The following RHEX variants were observed in gnomAD, a reference collection of about 807,000 sequenced individuals.
RHEX encodes regulator of hemoglobinization and erythroid cell expansion protein.
Under a neutral mutation model 20.1 loss-of-function variants are expected in RHEX, and 18 were observed. The observed-to-expected ratio is 0.90, with a 90% CI of 0.62 to 1.33. RHEX has a LOEUF of 1.33. Ranked by LOEUF, RHEX falls within the 40% of genes most tolerant of loss-of-function variation. The probability of loss-of-function intolerance (pLI) is 0.00; values close to 1 mark genes in which losing one functional copy is unlikely to be tolerated. For missense variants in RHEX, 192 were observed against 214.3 expected, an observed-to-expected ratio of 0.90 and a Z score of 0.65; for synonymous variants, 87 against 77.1, an observed-to-expected ratio of 1.13 and a Z score of -0.67.
intron 1 of RHEX, among the ~76,000 whole-genome samples, chr1:206,062,704 G>A (rs1662330456): frequency 6.6e-6 from 1 of 152,194 alleles, no homozygotes; most frequent in African/African-American, 2.4e-5. Flanking sequence ...AGGAAGCATG[G>A]GGGCCACCTG....
intron 1 of RHEX, among the ~76,000 whole-genome samples, chr1:206,093,396 G>C (rs1235062145): frequency 6.6e-6 from 1 of 151,530 alleles, no homozygotes; most frequent in African/African-American, 2.4e-5. Context: ...TCAACCTCTC[G>C]AGTAGCTAGG....
intron 1 of RHEX, among the ~76,000 whole-genome samples, chr1:206,080,787 C>A (rs370605651): frequency 2.0e-5 from 3 of 152,116 alleles, no homozygotes; most frequent in Non-Finnish European, 4.4e-5. Flanking sequence ...TCCCAGTAGC[C>A]TCTGAGCAGG....
Position 206,071,764 on chromosome 1 carries a change from C to G in RHEX, c.-97+18499C>G, listed in dbSNP as rs150978968. On this transcript the variant is annotated intron_variant, in intron 1 of 5. Transcript: ENST00000331555. ...CTAGGGAAGCTGAGGCAGGAGGATC[C>G]CTTGAGCCCAGGAGGCTGAGACTGC... Among the ~76,000 whole-genome samples, 855 of 151,072 alleles carry G rather than the reference C, an allele frequency of 5.7e-3. 4 individuals carry two copies. The highest frequency in any genetic ancestry group is 0.019 in the African/African-American group (789 of 41,082).
chr1:206,102,057 C>T lies in RHEX; in HGVS notation c.*105C>T. 1.1e-6 allele frequency: 1 copy of T among 926,584 alleles called. No homozygotes were observed. Among genetic ancestry groups the T allele is most frequent in the Non-Finnish European group, 1.7e-6 (1 of 587,616 alleles). 57.4% of individuals were successfully genotyped at this position (926,584 alleles called of 1,614,324 possible). ...TAAACAAGGCATGGGGCTCACAAGT[C>T]TATGGAGACAGGCCAAAAAGAATGT... On this transcript the variant is annotated 3_prime_UTR_variant, in exon 6 of 6. Coordinates refer to ENST00000331555, the MANE Select transcript of RHEX (RefSeq NM_001007544.4).
At chr1:206,074,595 A>G (rs1461155004) in intron 1 of RHEX, among the ~76,000 whole-genome samples, 1 of 152,172 alleles carries the variant, frequency 6.6e-6, no homozygotes, top group Non-Finnish European at 1.5e-5. Context: ...GTGCGCCACC[A>G]TCAATTTCAG....
Position 206,098,091 on chromosome 1 carries a change from G to A in RHEX, c.22G>A (p.Val8Ile), listed in dbSNP as rs1663111795. 1 of 1,613,652 alleles carries A rather than the reference G, an allele frequency of 6.2e-7. No homozygotes were observed. Residue 8 changes from valine to isoleucine, a missense_variant, in exon 3 of 6, where the codon GTC becomes ATC. Val to Ile is a conservative substitution (Grantham distance 29, BLOSUM62 3). Transcript: ENST00000331555. MLTEVME[V>I]WHGLVIAVVS... The stretch of plus-strand genomic sequence containing the variant: ...TTTCTTTCCCAACAGAGTCATGGAG[G>A]TCTGGCATGGCTTAGTGATCGCGGT...
chr1:206,079,054 C>G (rs971372782), intron 1 of RHEX, among the ~76,000 whole-genome samples: 3 of 148,948 alleles, frequency 2.0e-5, no homozygotes, highest in African/African-American at 5.2e-5. Context: ...GCAAGTTAAC[C>G]CCCCCAGTCT....
intron 1 of RHEX, among the ~76,000 whole-genome samples, chr1:206,063,543 C>T (rs1031490150): frequency 2.6e-5 from 4 of 152,252 alleles, no homozygotes; most frequent in African/African-American, 9.6e-5. Context: ...AGGCGCGCGC[C>T]GCCACGCCTG....
chr1:206,092,742 A>G (rs182669352), intron 1 of RHEX, among the ~76,000 whole-genome samples: 152 of 152,260 alleles, frequency 1.0e-3, no homozygotes, highest in African/African-American at 3.5e-3. Flanking sequence ...TCTGAGATTA[A>G]TAGTCCCTAT....
chr1:206,064,643 G>C (rs1292987205), intron 1 of RHEX, among the ~76,000 whole-genome samples: 1 of 149,446 alleles, frequency 6.7e-6, no homozygotes, highest in Non-Finnish European at 1.5e-5. Context: ...GCCCCGTCCC[G>C]GGGGGAGGTG....
At chr1:206,054,641 C>G (rs1437847613) in intron 1 of RHEX, among the ~76,000 whole-genome samples, 2 of 152,234 alleles carry the variant, frequency 1.3e-5, no homozygotes, top group Non-Finnish European at 2.9e-5. Flanking sequence ...TCAACCTGCT[C>G]TTTAACAAAA....
intron 1 of RHEX, among the ~76,000 whole-genome samples, chr1:206,073,389 A>G (rs1553284867): frequency 2.0e-5 from 3 of 152,234 alleles, no homozygotes; most frequent in East Asian, 1.9e-4. Flanking sequence ...AAACACTTGT[A>G]TAGTCTTTAA....
intron 1 of RHEX, among the ~76,000 whole-genome samples, chr1:206,079,555 A>AT (rs1331478762): frequency 3.3e-5 from 5 of 151,884 alleles, no homozygotes; most frequent in Admixed American, 6.6e-5. Flanking sequence ...TCAGCAAGGC[A>AT]TTTTTTTTCT....
At chr1:206,064,121 GC>G in intron 1 of RHEX, among the ~76,000 whole-genome samples, 1 of 146,202 alleles carries the variant, frequency 6.8e-6, no homozygotes, top group East Asian at 2.1e-4. Context: ...CTGCCCGGCC[GC>G]CCCGTCTGAG....
At chr1:206,064,673 C>T (rs1406535627) in intron 1 of RHEX, among the ~76,000 whole-genome samples, 22 of 149,940 alleles carry the variant, frequency 1.5e-4, no homozygotes, top group African/African-American at 4.2e-4. Flanking sequence ...GCCCCCCGCC[C>T]GGCCAGCCGC....
intron 1 of RHEX, among the ~76,000 whole-genome samples, chr1:206,084,710 T>C (rs1662804206): frequency 6.6e-6 from 1 of 152,204 alleles, no homozygotes; most frequent in Non-Finnish European, 1.5e-5. Flanking sequence ...GAGTAGGATC[T>C]GTTACATAAT....
At chr1:206,086,523 C>G (rs1443662856) in intron 1 of RHEX, among the ~76,000 whole-genome samples, 3 of 152,126 alleles carry the variant, frequency 2.0e-5, no homozygotes, top group African/African-American at 7.2e-5. Context: ...AAGGCTCTGG[C>G]CTCAAACCAT....
At chr1:206,055,381 C>T (rs1662166672) in intron 1 of RHEX, among the ~76,000 whole-genome samples, 1 of 152,236 alleles carries the variant, frequency 6.6e-6, no homozygotes, top group South Asian at 2.1e-4. Context: ...TGTCGTGGAC[C>T]TTTATTGGGC....
rs1206951925 is a variant in RHEX, at chr1:206,067,058, CT to C, written c.-97+13794del. Among the ~76,000 whole-genome samples, 3 of 152,180 alleles carry C rather than the reference CT, an allele frequency of 2.0e-5. No individual in the cohort carries two copies. The highest frequency in any genetic ancestry group is 2.9e-5 in the Non-Finnish European group (2 of 68,026). ...GAGTCTGGCCACGGTGTCAGGTGATCTGCTGAAGTCCATGGAAGGATCTTCC... is the reference window on the plus strand; with the variant it reads ...GAGTCTGGCCACGGTGTCAGGTGATCGCTGAAGTCCATGGAAGGATCTTCC... On this transcript the variant is annotated intron_variant, in intron 1 of 5. Transcript: ENST00000331555. This position sits in a 1 kb window ranked among gnomAD's most constrained non-coding sequence, Gnocchi z 4.6.
Sources: allele counts gnomAD v4.1 joint callset (sites outside exome capture counted in the v4.1 genomes callset), GRCh38; gene constraint gnomAD v4.1.1; non-coding constraint Gnocchi (gnomAD v3.1); transcripts MANE v1.5; gene names NCBI Gene and HGNC (gene_info 2026-07-23, HGNC 2026-07-21).